The following COL22A1 variants were observed in gnomAD, a reference collection of about 807,000 sequenced individuals.
The protein encoded by COL22A1 is collagen type XXII alpha 1 chain, also known as collagen alpha-1(XXII) chain.
Under a neutral mutation model 248.9 loss-of-function variants are expected in COL22A1, and 221 were observed. That is an observed-to-expected ratio of 0.89 (90% confidence interval 0.80 to 0.99). COL22A1 has a LOEUF of 0.99. COL22A1 is among the 50% of genes least tolerant of loss of function. The pLI is 0.00. For missense variants in COL22A1, 2,240 were observed against 2,179.0 expected, an observed-to-expected ratio of 1.03 and a Z score of -0.56; for synonymous variants, 891 against 793.4, an observed-to-expected ratio of 1.12 and a Z score of -2.07.
At chr8:138,735,759 C>T (rs114351210) in intron 23 of COL22A1, among the ~76,000 whole-genome samples, 5,755 of 152,266 alleles carry the variant, frequency 0.038, 371 homozygotes, top group African/African-American at 0.13. Flanking sequence ...GTCAAGGGTG[C>T]AGAAATGAAG....
At chr8:138,913,193 C>G (rs978974992) in intron 1 of COL22A1, among the ~76,000 whole-genome samples, 1 of 151,944 alleles carries the variant, frequency 6.6e-6, no homozygotes, top group East Asian at 1.9e-4. Flanking sequence ...TGCTCCATTT[C>G]CCCCGCATCT....
At chr8:138,613,999 C>G in intron 55 of COL22A1, 79 bp from the exon 56 acceptor site, 1 of 1,130,492 alleles carries the variant, frequency 8.8e-7, no homozygotes, top group South Asian at 1.3e-5. Flanking sequence ...AAATGTTAAC[C>G]AAACCTCGCC....
At position 138,589,153 on chromosome 8, in the gene COL22A1, G is replaced by A; in HGVS notation, c.*100C>T. On this transcript the variant is annotated 3_prime_UTR_variant, in exon 65 of 65. Coordinates refer to ENST00000303045, the MANE Select transcript of COL22A1 (RefSeq NM_152888.3). Reference sequence around the variant, plus strand: ...AACGATAAAAGAAAGAAAAAAAAAAGGAACACATGGCTGAAGTCTTTCAAG... The same window carrying A: ...AACGATAAAAGAAAGAAAAAAAAAAAGAACACATGGCTGAAGTCTTTCAAG... 6.7e-6 allele frequency: 7 copies of A among 1,048,522 alleles called. No individual in the cohort carries two copies. Among genetic ancestry groups the A allele is most frequent in the East Asian group, 5.7e-5 (2 of 35,244 alleles). 65.0% of individuals were successfully genotyped at this position (1,048,522 alleles called of 1,614,324 possible). A position where few individuals can be genotyped will look rare whatever the true frequency, so the allele number is the denominator to read the frequency against.
chr8:138,737,985 C>T (rs1232027414), intron 22 of COL22A1, among the ~76,000 whole-genome samples: 1 of 152,148 alleles, frequency 6.6e-6, no homozygotes, highest in East Asian at 1.9e-4. Flanking sequence ...CACACGCACA[C>T]ACACCAACAC....
In COL22A1 at chr8:138,703,320, C is replaced by T. The variant is rs770064444; in HGVS notation, c.2545G>A (p.Gly849Arg). Residue 849 changes from glycine to arginine, a missense_variant, in exon 31 of 65, where the codon GGG becomes AGG. By Grantham distance (125) the Gly-to-Arg change is moderately radical. Transcript: ENST00000303045. Reference sequence around the variant, plus strand: ...GAGTAACTTACAGTTCCAGGTAACCCGGGAGGGCCTGCAGGACCAGCTTCA... The same window carrying T: ...GAGTAACTTACAGTTCCAGGTAACCTGGGAGGGCCTGCAGGACCAGCTTCA... ...KGEAGPAGPP[G>R]LPGTTSLFTP... 1.2e-4 allele frequency: 188 copies of T among 1,613,530 alleles called. No homozygotes were observed. The highest frequency in any genetic ancestry group is 6.8e-4 in the South Asian group (62 of 91,068).
At chr8:138,800,419 G>A (rs532646155) in intron 11 of COL22A1, among the ~76,000 whole-genome samples, 5 of 152,138 alleles carry the variant, frequency 3.3e-5, no homozygotes, top group African/African-American at 9.7e-5. Flanking sequence ...TATCTTTTTG[G>A]GGGGAGTAGA....
chr8:138,773,608 G>A (rs185009035), intron 16 of COL22A1, among the ~76,000 whole-genome samples: 3 of 152,372 alleles, frequency 2.0e-5, no homozygotes, highest in Non-Finnish European at 4.4e-5. Flanking sequence ...ACCTGCAGCC[G>A]TGTGTTGAGC....
intron 15 of COL22A1, among the ~76,000 whole-genome samples, chr8:138,776,671 G>A (rs908673794): frequency 6.6e-5 from 10 of 151,354 alleles, no homozygotes; most frequent in Admixed American, 2.6e-4. Context: ...CTTACCATGC[G>A]TCACTTTGTT....
rs150788299 is a variant in COL22A1, at chr8:138,755,960, C to T, written c.1903-131G>A. ...CCCTGTGCACCACCACACATATCTT[C>T]GTCTTGCCCGAGCCTGCTGTCTTCT... On this transcript the variant is annotated intron_variant, in intron 18 of 64. Transcript: ENST00000303045. 4.7e-4 allele frequency: 342 copies of T among 728,178 alleles called. 2 individuals are homozygous for T. The African/African-American group carries it at 4.9e-3, about 10-fold the overall frequency. The allele number at this position is 728,178 out of a possible 1,614,324, so 45.1% of individuals were successfully genotyped here.
chr8:138,840,534 T>TACACACACAC (rs34512818), intron 4 of COL22A1, among the ~76,000 whole-genome samples: 12 of 149,148 alleles, frequency 8.0e-5, no homozygotes, highest in Middle Eastern at 6.9e-3. Flanking sequence ...CATGTGTGAG[T>TACACACACAC]ACACACACAC....
intron 8 of COL22A1, 46 bp downstream of exon 8, chr8:138,812,893 C>T (rs1818361198): frequency 7.0e-7 from 1 of 1,419,890 alleles, no homozygotes; most frequent in Non-Finnish European, 1.0e-6. Context: ...CTCTGGAGGC[C>T]ACACACCCAT....
intron 47 of COL22A1, among the ~76,000 whole-genome samples, chr8:138,637,259 C>T (rs768637694): frequency 6.6e-6 from 1 of 151,980 alleles, no homozygotes; most frequent in Non-Finnish European, 1.5e-5. Flanking sequence ...GCAGAATAAA[C>T]CCAGGGTCTG....
chr8:138,737,182 G>A (rs1288371669), intron 23 of COL22A1, among the ~76,000 whole-genome samples: 1 of 152,176 alleles, frequency 6.6e-6, no homozygotes, highest in Non-Finnish European at 1.5e-5. Flanking sequence ...CTGCCAAGGC[G>A]AGACAAGCCT....
chr8:138,796,910 A>G, intron 11 of COL22A1, 53 bp from the exon 12 acceptor site: 1 of 1,204,134 alleles, frequency 8.3e-7, no homozygotes, highest in Non-Finnish European at 1.2e-6. Context: ...CCATGGCATG[A>G]CATTGCAAAT....
intron 3 of COL22A1, among the ~76,000 whole-genome samples, chr8:138,875,607 C>T (rs1823656983): frequency 2.0e-5 from 3 of 152,158 alleles, no homozygotes. Flanking sequence ...TAGTTCTTAT[C>T]TGTGCAGATT....
intron 1 of COL22A1, among the ~76,000 whole-genome samples, chr8:138,896,972 CA>C (rs35004780): frequency 6.1e-5 from 9 of 148,484 alleles, no homozygotes; most frequent in African/African-American, 9.9e-5. Context: ...GACTCTTTCT[CA>C]AAAAAAAAAA....
rs149750114 is a variant in COL22A1, at chr8:138,615,423, C to T, written c.3924+578G>A. Among the ~76,000 whole-genome samples the T allele has an allele frequency of 4.2e-3, 633 of 151,308 alleles. 6 individuals are homozygous for T. The highest frequency in any genetic ancestry group is 0.015 in the African/African-American group (600 of 41,120). ...GCAGGTGCCTCTAGTCCCAGTTACTCGGGAGGCTGAGACAGGAGAATTGTT... is the reference window on the plus strand; with the variant it reads ...GCAGGTGCCTCTAGTCCCAGTTACTTGGGAGGCTGAGACAGGAGAATTGTT... On this transcript the variant is annotated intron_variant, in intron 55 of 64. Coordinates refer to ENST00000303045, the MANE Select transcript of COL22A1 (RefSeq NM_152888.3).
intron 47 of COL22A1, among the ~76,000 whole-genome samples, chr8:138,640,847 A>T (rs542439174): frequency 6.6e-6 from 1 of 152,326 alleles, no homozygotes; most frequent in East Asian, 1.9e-4. Context: ...TCAGAGAATA[A>T]TAAATGCCCA....
intron 11 of COL22A1, among the ~76,000 whole-genome samples, chr8:138,799,901 TGGTAAAGTTGTG>T (rs1418297776): frequency 6.6e-6 from 1 of 152,228 alleles, no homozygotes; most frequent in Non-Finnish European, 1.5e-5. Context: ...AAACTAGCTT[TGGTAAAGTTGTG>T]GTTTACTATA....
Sources: allele counts gnomAD v4.1 joint callset (sites outside exome capture counted in the v4.1 genomes callset), GRCh38; gene constraint gnomAD v4.1.1; transcripts MANE v1.5; gene names NCBI Gene and HGNC (gene_info 2026-07-23, HGNC 2026-07-21).